CENPE: variants seen among roughly 807,000 people sequenced by gnomAD.
CENPE encodes centromere protein E, also known as centromere-associated protein E.
In CENPE, 145 loss-of-function variants were observed where a neutral mutation model predicts 336.1. The ratio of observed to expected loss-of-function variants is 0.43; its 90% CI spans 0.38 to 0.50. The LOEUF (loss-of-function observed/expected upper bound fraction) is 0.50, where lower values mean the gene tolerates loss of function less well. Ranked by LOEUF, CENPE falls within the 20% of genes least tolerant of loss-of-function variation. The pLI is 0.00. For synonymous variants in CENPE, 1,013 were observed against 984.8 expected, an observed-to-expected ratio of 1.03 and a Z score of -0.54; for missense variants, 2,719 against 3,023.3, an observed-to-expected ratio of 0.90 and a Z score of 2.36.
At chr4:103,151,476 A>G (rs1323421119) in intron 25 of CENPE, 99 bp from the exon 26 acceptor site, 2 of 899,190 alleles carry the variant, frequency 2.2e-6, no homozygotes, top group East Asian at 6.0e-5. Context: ...AAATGAAGAA[A>G]TCAGGGAAAA....
At chr4:103,172,433 T>C (rs1029424895) in intron 16 of CENPE, among the ~76,000 whole-genome samples, 9 of 151,966 alleles carry the variant, frequency 5.9e-5, no homozygotes, top group Admixed American at 5.2e-4. Flanking sequence ...TAATTAGGTA[T>C]AGAAGTGATA....
chr4:103,142,191 G>A (rs1237872446), intron 34 of CENPE, among the ~76,000 whole-genome samples: 2 of 151,956 alleles, frequency 1.3e-5, no homozygotes, highest in Non-Finnish European at 2.9e-5. Flanking sequence ...CATTTAGATT[G>A]TTTCAGATTT....
intron 13 of CENPE, among the ~76,000 whole-genome samples, chr4:103,177,851 C>T (rs1292710392): frequency 6.6e-6 from 1 of 151,926 alleles, no homozygotes; most frequent in Non-Finnish European, 1.5e-5. Context: ...TCCTCGACTC[C>T]AATAACCTTC....
At chr4:103,128,186 G>A (rs72944932) in intron 42 of CENPE, among the ~76,000 whole-genome samples, 379 of 152,284 alleles carry the variant, frequency 2.5e-3, no homozygotes, top group African/African-American at 8.7e-3. Flanking sequence ...GGGACATTAC[G>A]TAGTGATAAA....
intron 8 of CENPE, 105 bp downstream of exon 8, chr4:103,194,124 C>T: frequency 1.3e-6 from 1 of 774,094 alleles, no homozygotes. Flanking sequence ...GATTTCCTCC[C>T]ACATTTAGTT....
At chr4:103,146,599 G>C (rs770290948) in intron 29 of CENPE, among the ~76,000 whole-genome samples, 1 of 152,218 alleles carries the variant, frequency 6.6e-6, no homozygotes, top group Non-Finnish European at 1.5e-5. Flanking sequence ...CTGCGGAAGA[G>C]AGTTGCTGGA....
intron 8 of CENPE, 39 bp downstream of exon 8, chr4:103,194,190 G>T: frequency 1.3e-6 from 2 of 1,502,368 alleles, no homozygotes; most frequent in Non-Finnish European, 1.8e-6. Flanking sequence ...ATTTTGTTTT[G>T]GCCCATACAG....
chr4:103,121,123 C>T (rs1041821860), intron 43 of CENPE, among the ~76,000 whole-genome samples: 15 of 152,316 alleles, frequency 9.8e-5, no homozygotes, highest in South Asian at 8.3e-4. Flanking sequence ...CTCAGACCCC[C>T]AGTTGACCCT....
rs1578543475 is a variant in CENPE at position 103,116,736 on chromosome 4, A to C, written c.7330-47T>G. ...TAAAAATAATTATTAGAGGCGCTTC[A>C]GTTTCTCCAGTTGTAAAGAATGGTT... On this transcript the variant is annotated intron_variant, in intron 44 of 48. Coordinates refer to ENST00000265148, the MANE Select transcript of CENPE (RefSeq NM_001813.3). The C allele has an allele frequency of 1.8e-5, 17 of 938,956 alleles. No individual in the cohort carries two copies. The East Asian group carries it at 4.6e-4, about 25-fold the overall frequency. 58.2% of individuals were successfully genotyped at this position (938,956 alleles called of 1,614,324 possible). A position where few individuals can be genotyped will look rare whatever the true frequency, so the allele number is the denominator to read the frequency against.
chr4:103,108,952 A>C lies in CENPE; in HGVS notation c.7862T>G (p.Ile2621Ser). The change falls in exon 48 of 49, where the codon ATT becomes AGT. Residue 2621 changes from isoleucine (I) to serine (S), a missense_variant. By Grantham distance (142) the Ile-to-Ser change is moderately radical (BLOSUM62 -2). Around this residue, in one of 5 missense-constraint regions of CENPE, gnomAD observed 2,437 missense variants for 2,513.3 expected, o/e 0.97. Transcript: ENST00000265148. The part of the protein sequence containing the change: ...VTGTASKKKQ[I>S]TPSQCKERNL... Reference sequence around the variant, plus strand: ...CCGTTCCTTGCATTGAGAGGGTGTAATTTGTTTCTTTTTAGAAGCTGTTCC... The same window carrying C: ...CCGTTCCTTGCATTGAGAGGGTGTACTTTGTTTCTTTTTAGAAGCTGTTCC... The C allele has an allele frequency of 6.2e-7, 1 of 1,613,802 alleles. No homozygotes were observed. The highest frequency in any genetic ancestry group is 1.3e-5 in the African/African-American group (1 of 74,996).
chr4:103,114,462 A>G lies in CENPE; in HGVS notation c.7533T>C (p.Asp2511=). ...ENLRRSQQAQ[D]TSVISEHTDP... Reference sequence around the variant, plus strand: ...TCTGCATTTTCTACTTACCTGAGGTATCTTGGGCCTGTTGACTTCTTCTGA... The same window carrying G: ...TCTGCATTTTCTACTTACCTGAGGTGTCTTGGGCCTGTTGACTTCTTCTGA... Residue 2511 remains aspartate, a synonymous_variant, in exon 46 of 49, where the codon GAT becomes GAC. Coordinates refer to ENST00000265148, the MANE Select transcript of CENPE (RefSeq NM_001813.3). 1 of 1,592,574 alleles carries G rather than the reference A, an allele frequency of 6.3e-7. No homozygotes were observed.
chr4:103,133,210 T>G (rs927561947), intron 41 of CENPE, among the ~76,000 whole-genome samples: 1 of 152,022 alleles, frequency 6.6e-6, no homozygotes, highest in Non-Finnish European at 1.5e-5. Context: ...ATACCTGAAG[T>G]GCATCTTAAT....
intron 16 of CENPE, among the ~76,000 whole-genome samples, chr4:103,170,778 G>A (rs561939986): frequency 8.0e-4 from 122 of 152,234 alleles, no homozygotes; most frequent in African/African-American, 2.7e-3. Context: ...CCAAATATAT[G>A]CTGCCTGAAA....
Position 103,174,855 on chromosome 4 carries a change from G to T in CENPE, c.1528C>A (p.Leu510Met). The T allele has an allele frequency of 6.6e-7, 1 of 1,525,142 alleles. No homozygotes were observed. Among genetic ancestry groups the T allele is most frequent in the Non-Finnish European group, 8.8e-7 (1 of 1,137,418 alleles). The allele number at this position is 1,525,142 out of a possible 1,614,324, so 94.5% of individuals were successfully genotyped here. A position where few individuals can be genotyped will look rare whatever the true frequency, so the allele number is the denominator to read the frequency against. Residue 510 changes from leucine (L) to methionine (M), a missense_variant, in exon 16 of 49, where the codon CTG (leucine) becomes ATG (methionine). By Grantham distance (15) the Leu-to-Met change is conservative (BLOSUM62 2). Transcript: ENST00000265148. ...LNSLRADYDN[L>M]VLDYEQLRTE... ...CGTAGTTGTTCATAGTCTAATACCA[G>T]ATTATCATAGTCAGCACGAAGTGAG...
intron 44 of CENPE, 62 bp downstream of exon 44, chr4:103,120,086 C>T: frequency 1.6e-6 from 2 of 1,216,886 alleles, no homozygotes; most frequent in Non-Finnish European, 2.3e-6. Flanking sequence ...AGGAGATTTG[C>T]TGAATTCAAT....
At chr4:103,118,670 T>C (rs959562780) in intron 44 of CENPE, among the ~76,000 whole-genome samples, 31 of 152,214 alleles carry the variant, frequency 2.0e-4, no homozygotes, top group African/African-American at 7.5e-4. Flanking sequence ...GCATTTTACA[T>C]GTATGCCTAT....
At chr4:103,149,713 A>T (rs1304785924) in intron 26 of CENPE, among the ~76,000 whole-genome samples, 3 of 152,194 alleles carry the variant, frequency 2.0e-5, no homozygotes, top group Non-Finnish European at 4.4e-5. Context: ...TTTATAAGAG[A>T]CATAAAAGCA....
chr4:103,163,771 TA>T (rs10541516), intron 16 of CENPE, among the ~76,000 whole-genome samples: 3 of 150,684 alleles, frequency 2.0e-5, no homozygotes, highest in African/African-American at 4.9e-5. Flanking sequence ...ATCAAACAAA[TA>T]AAAAAAAACC....
intron 45 of CENPE, 24 bp downstream of exon 45, chr4:103,116,553 C>T: frequency 8.5e-7 from 1 of 1,180,834 alleles, no homozygotes; most frequent in African/African-American, 1.5e-5. Flanking sequence ...ATTAAAATCA[C>T]ATTAAATTAA....
Sources: gnomAD v4.1 joint callset for allele counts (sites outside exome capture counted in the v4.1 genomes callset) on GRCh38, gnomAD v4.1.1 for gene constraint, gnomAD v4.1.1 regional missense constraint, MANE v1.5 for transcripts, NCBI Gene and HGNC (gene_info 2026-07-23, HGNC 2026-07-21) for gene names.